RSAD2: variants seen among roughly 807,000 people sequenced by gnomAD.
RSAD2 encodes the protein radical S-adenosyl methionine domain containing 2.
A neutral mutation model predicts 37.7 loss-of-function variants in RSAD2; 38 were observed. The observed-to-expected ratio is 1.01, with a 90% confidence interval of 0.78 to 1.32. The LOEUF (loss-of-function observed/expected upper bound fraction) is 1.32. Ranked by LOEUF, RSAD2 falls within the 40% of genes most tolerant of loss-of-function variation. RSAD2 has a pLI of 0.00. For synonymous variants in RSAD2, 163 were observed against 157.4 expected, an observed-to-expected ratio of 1.04 and a Z score of -0.27; for missense variants, 428 against 437.5, an observed-to-expected ratio of 0.98 and a Z score of 0.19.
At chr2:6,880,615 C>G (rs941324816) in intron 1 of RSAD2, among the ~76,000 whole-genome samples, 1 of 152,128 alleles carries the variant, frequency 6.6e-6, no homozygotes, top group African/African-American at 2.4e-5. Flanking sequence ...CAACCTCCCT[C>G]TGTGCTCAAG....
intron 1 of RSAD2, among the ~76,000 whole-genome samples, chr2:6,878,359 C>G (rs1663329987): frequency 6.6e-6 from 1 of 152,126 alleles, no homozygotes; most frequent in South Asian, 2.1e-4. Flanking sequence ...CAGAATTGGG[C>G]TGGAACAGGG....
Position 6,887,072 on chromosome 2 carries a change from G to C in RSAD2, c.646G>C (p.Val216Leu), listed in dbSNP as rs1054114872. Residue 216 changes from valine (V) to leucine (L), a missense_variant, in exon 3 of 6, where the codon GTC becomes CTC. Val to Leu is a conservative substitution (Grantham distance 32). Transcript: ENST00000382040. ...GAGGAGGTGGTGTAGGGATTATAGA[G>C]TCGCTTTCAAGATAAATTCTGTCAT... ...KLRRWCRDYR[V>L]AFKINSVINR... 6.2e-7 allele frequency: 1 copy of C among 1,614,058 alleles called. No individual in the cohort carries two copies. Among genetic ancestry groups the C allele is most frequent in the African/African-American group, 1.3e-5 (1 of 74,928 alleles).
chr2:6,878,716 A>C (rs1177929546), intron 1 of RSAD2: 1 of 494,232 alleles, frequency 2.0e-6, no homozygotes, highest in African/African-American at 2.0e-5. Context: ...CACATTAGTA[A>C]CTGGCAGCGT....
intron 5 of RSAD2, among the ~76,000 whole-genome samples, chr2:6,894,028 T>C (rs1655931187): frequency 6.7e-6 from 1 of 149,534 alleles, no homozygotes; most frequent in East Asian, 1.9e-4. Context: ...GAGTCATCTG[T>C]TATGTAGTCC....
At chr2:6,873,954 A>G (rs142814795), upstream of RSAD2, among the ~76,000 whole-genome samples, 2 of 152,314 alleles carry the variant, frequency 1.3e-5, no homozygotes, top group African/African-American at 4.8e-5. Flanking sequence ...TGTGTCCCCA[A>G]CCAAATCTCA....
chr2:6,881,965 C>A (rs1231163251), intron 1 of RSAD2, among the ~76,000 whole-genome samples: 3 of 151,406 alleles, frequency 2.0e-5, no homozygotes, highest in African/African-American at 7.3e-5. Context: ...TAGACCCCAT[C>A]CTCCTAAAAT....
chr2:6,877,614 T>C (rs556693852), upstream of RSAD2: 2 of 590,788 alleles, frequency 3.4e-6, no homozygotes, highest in South Asian at 4.1e-5. Context: ...TAGTCTTCAG[T>C]CTTGGCCCTG....
chr2:6,892,195 A>G (rs909730964), intron 4 of RSAD2, among the ~76,000 whole-genome samples: 2 of 152,208 alleles, frequency 1.3e-5, no homozygotes, highest in Non-Finnish European at 2.9e-5. Flanking sequence ...AAGTAATGCT[A>G]GGAACTCAAA....
rs141535836 is a variant in RSAD2 at position 6,883,632 on chromosome 2, G to A, written c.508+100G>A. The A allele has an allele frequency of 3.7e-6, 5 of 1,357,880 alleles. No homozygotes were observed. The East Asian group carries it at 9.5e-5, about 26-fold the overall frequency. The allele number at this position is 1,357,880 out of a possible 1,614,324, so 84.1% of individuals were successfully genotyped here. A position where few individuals can be genotyped will look rare whatever the true frequency, so the allele number is the denominator to read the frequency against. On this transcript the variant is annotated intron_variant, in intron 2 of 5. Coordinates refer to ENST00000382040, the MANE Select transcript of RSAD2 (RefSeq NM_080657.5). ...CTGGGCCTTCAGCCAGGCCTGCTGAGGAACTGGAAGGGAGGAAAAACTAAT... is the reference window on the plus strand; with the variant it reads ...CTGGGCCTTCAGCCAGGCCTGCTGAAGAACTGGAAGGGAGGAAAAACTAAT...
chr2:6,882,804 G>A (rs959084067), intron 1 of RSAD2, among the ~76,000 whole-genome samples: 7 of 152,188 alleles, frequency 4.6e-5, no homozygotes, highest in African/African-American at 9.7e-5. Flanking sequence ...CTGAACAACA[G>A]CATTTAAAAC....
At chr2:6,893,352 G>T (rs1663668486) in intron 4 of RSAD2, among the ~76,000 whole-genome samples, 1 of 152,212 alleles carries the variant, frequency 6.6e-6, no homozygotes. Context: ...ATCATGTAAA[G>T]AAGAAAAGGG....
chr2:6,873,215 A>T (rs577831058), upstream of RSAD2, among the ~76,000 whole-genome samples: 1 of 152,188 alleles, frequency 6.6e-6, no homozygotes, highest in Admixed American at 6.5e-5. Context: ...TTGATTTTAC[A>T]CTCTTGGCTT....
intron 4 of RSAD2, 57 bp downstream of exon 4, chr2:6,890,382 A>G (rs1323800650): frequency 6.3e-7 from 1 of 1,577,610 alleles, no homozygotes; most frequent in South Asian, 1.1e-5. Context: ...TGATTCCCAA[A>G]AGGGAAGTCT....
intron 3 of RSAD2, among the ~76,000 whole-genome samples, chr2:6,887,785 C>A (rs1663552528): frequency 6.6e-6 from 1 of 152,214 alleles, no homozygotes; most frequent in Non-Finnish European, 1.5e-5. Flanking sequence ...GCTTCTTGGG[C>A]CTCATATCTG....
chr2:6,870,529 T>A (rs1663184515), intron 1 of RSAD2, among the ~76,000 whole-genome samples: 3 of 152,150 alleles, frequency 2.0e-5, no homozygotes, highest in African/African-American at 4.8e-5. Flanking sequence ...TCAGAGACTA[T>A]TTTTTCCCCC....
intron 4 of RSAD2, among the ~76,000 whole-genome samples, chr2:6,890,527 G>A (rs1663609452): frequency 6.6e-6 from 1 of 152,060 alleles, no homozygotes; most frequent in Non-Finnish European, 1.5e-5. Flanking sequence ...TCTTTAGAGA[G>A]CTTCAGTTTC....
chr2:6,893,820 C>T, intron 5 of RSAD2, 117 bp downstream of exon 5: 2 of 704,602 alleles, frequency 2.8e-6, no homozygotes, highest in East Asian at 2.7e-5. Context: ...TTAATTAGCA[C>T]TTCACAGTTT....
chr2:6,871,133 C>G (rs1269728973), intron 1 of RSAD2, among the ~76,000 whole-genome samples: 1 of 152,184 alleles, frequency 6.6e-6, no homozygotes, highest in African/African-American at 2.4e-5. Flanking sequence ...CAGTCATCAT[C>G]TCTCTTCGGG....
At chr2:6,881,863 C>T (rs1298853711) in intron 1 of RSAD2, among the ~76,000 whole-genome samples, 1 of 151,830 alleles carries the variant, frequency 6.6e-6, no homozygotes, top group Non-Finnish European at 1.5e-5. Context: ...GTGTGTAATG[C>T]ATAGACCCCA....
Sources: gnomAD v4.1 joint callset for allele counts (sites outside exome capture counted in the v4.1 genomes callset) on GRCh38, gnomAD v4.1.1 for gene constraint, MANE v1.5 for transcripts, NCBI Gene and HGNC (gene_info 2026-07-23, HGNC 2026-07-21) for gene names.